The following PHF21B variants were observed in gnomAD, a reference collection of about 807,000 sequenced individuals.
PHF21B encodes PHD finger protein 21B.
PHF21B carries 22 observed loss-of-function variants against 62.2 expected under a neutral mutation model. That is an observed-to-expected ratio of 0.35 (90% CI 0.25 to 0.51). PHF21B has a LOEUF of 0.51. Ranked by LOEUF, PHF21B falls within the 20% of genes least tolerant of loss-of-function variation. PHF21B has a pLI of 0.97. For missense variants in PHF21B, 701 were observed against 707.9 expected, an observed-to-expected ratio of 0.99 and a Z score of 0.11; for synonymous variants, 341 against 314.7, an observed-to-expected ratio of 1.08 and a Z score of -0.88.
At chr22:44,890,308 C>G (rs1338900279) in intron 8 of PHF21B, among the ~76,000 whole-genome samples, 1 of 152,218 alleles carries the variant, frequency 6.6e-6, no homozygotes, top group Admixed American at 6.5e-5. Flanking sequence ...TCTTTTTAAA[C>G]TGTAATCCAC....
intron 5 of PHF21B, among the ~76,000 whole-genome samples, chr22:44,906,802 A>T (rs2071259203): frequency 6.6e-6 from 1 of 152,094 alleles, no homozygotes; most frequent in Non-Finnish European, 1.5e-5. Flanking sequence ...CGACAGGGGG[A>T]GAAGGAAGGG....
intron 2 of PHF21B, among the ~76,000 whole-genome samples, chr22:44,998,891 C>T (rs1212252991): frequency 1.3e-5 from 2 of 152,154 alleles, no homozygotes; most frequent in African/African-American, 2.4e-5. Context: ...GCCAGAGGGG[C>T]TCCAACACCC....
chr22:44,914,001 GGGAGGGAGGGGTGAGGGGAAGAGA>G lies in PHF21B; in HGVS notation c.628_651del (p.Ser210_Ser217del). 1 of 1,550,304 alleles carries G rather than the reference GGGAGGGAGGGGTGAGGGGAAGAGA, an allele frequency of 6.5e-7. No individual in the cohort carries two copies. The highest frequency in any genetic ancestry group is 8.9e-7 in the Non-Finnish European group (1 of 1,123,768). ...TGGAGGGGTGAAGGGGACAGTGATG[GGGAGGGAGGGGTGAGGGGAAGAGA>G]GGAGGGGTGGAGGGGACAGTGATGG... On this transcript the variant is annotated inframe_deletion, in exon 5 of 13. Transcript: ENST00000313237.
At chr22:44,953,949 G>A (rs752484908) in intron 2 of PHF21B, among the ~76,000 whole-genome samples, 3 of 152,152 alleles carry the variant, frequency 2.0e-5, no homozygotes, top group Non-Finnish European at 4.4e-5. Context: ...AGCCAGGCTC[G>A]GCCCTGAAAG....
At chr22:45,008,332 G>T (rs960107011) in intron 2 of PHF21B, 13 of 413,546 alleles carry the variant, frequency 3.1e-5, no homozygotes, top group African/African-American at 2.5e-4. Context: ...TCCTCTCTTC[G>T]GCCCCCGCAG....
chr22:44,915,137 T>C (rs1157470921), intron 4 of PHF21B, among the ~76,000 whole-genome samples: 8 of 152,224 alleles, frequency 5.3e-5, no homozygotes, highest in Non-Finnish European at 1.2e-4. Context: ...TCTTCCTCTT[T>C]GTATCACATT....
chr22:44,965,024 C>T (rs532452946), intron 2 of PHF21B, among the ~76,000 whole-genome samples: 2 of 152,302 alleles, frequency 1.3e-5, no homozygotes, highest in East Asian at 3.9e-4. Context: ...CAGGGGCTCA[C>T]GTCCTTTCCC....
intron 2 of PHF21B, among the ~76,000 whole-genome samples, chr22:44,996,305 C>A (rs973687416): frequency 6.6e-6 from 1 of 152,152 alleles, no homozygotes; most frequent in African/African-American, 2.4e-5. Flanking sequence ...ATCACAGAAT[C>A]TCAGTGTCAG....
chr22:44,971,291 C>T (rs2072632605), intron 2 of PHF21B: 1 of 152,224 alleles, frequency 6.6e-6, no homozygotes, highest in Non-Finnish European at 1.5e-5. Context: ...TCTCACCTGA[C>T]AAGGTATCTT....
At chr22:44,911,909 A>G (rs914766020) in intron 5 of PHF21B, among the ~76,000 whole-genome samples, 2 of 152,224 alleles carry the variant, frequency 1.3e-5, no homozygotes, top group Non-Finnish European at 2.9e-5. Context: ...AGCCGGTGAA[A>G]GCAACCAGGA....
At position 44,936,870 on chromosome 22, in the gene PHF21B, C is replaced by CTTTTTTT. The variant is rs370585353; in HGVS notation, c.121-16387_121-16381dup. Among the ~76,000 whole-genome samples, 71 of 128,596 alleles carry CTTTTTTT rather than the reference C, an allele frequency of 5.5e-4. 1 individual carries two copies. In the East Asian group the frequency reaches 6.2e-3, roughly 11 times the overall value. 84.4% of individuals were successfully genotyped at this position (128,596 alleles called of 152,430 possible). A position where few individuals can be genotyped will look rare whatever the true frequency, so the allele number is the denominator to read the frequency against. On this transcript the variant is annotated intron_variant, in intron 2 of 12. Coordinates refer to ENST00000313237, the MANE Select transcript of PHF21B (RefSeq NM_138415.5). The stretch of plus-strand genomic sequence containing the variant: ...AAAGTTGTGGACATCCACTTTCTTT[C>CTTTTTTT]TTTTTTTTTTTTTTTTCCTGAGATG...
Position 44,891,289 on chromosome 22 carries a change from C to A in PHF21B, c.1015+17G>T, listed in dbSNP as rs758415959. On this transcript the variant is annotated intron_variant, in intron 8 of 12. Coordinates refer to ENST00000313237, the MANE Select transcript of PHF21B (RefSeq NM_138415.5). ...GCCCTGAGCAGCTCTGGCAGAAGGC[C>A]TGAAGCCGGTGCTTACCTCTCGCTG... is the stretch of plus-strand genomic sequence containing the variant. The A allele has an allele frequency of 6.2e-7, 1 of 1,613,410 alleles. No homozygotes were observed. The highest frequency in any genetic ancestry group is 1.3e-5 in the African/African-American group (1 of 75,066).
intron 2 of PHF21B, among the ~76,000 whole-genome samples, chr22:44,966,349 C>T (rs562208917): frequency 6.6e-6 from 1 of 152,340 alleles, no homozygotes; most frequent in African/African-American, 2.4e-5. Context: ...CAGGCACTTG[C>T]CCAAGGTCAC....
At chr22:44,995,019 G>T (rs1049056390) in intron 2 of PHF21B, among the ~76,000 whole-genome samples, 1 of 152,160 alleles carries the variant, frequency 6.6e-6, no homozygotes, top group African/African-American at 2.4e-5. Flanking sequence ...CCAGGTCCCC[G>T]GCTCTCAGAG....
At chr22:44,960,311 G>C (rs934591006) in intron 2 of PHF21B, among the ~76,000 whole-genome samples, 2 of 152,108 alleles carry the variant, frequency 1.3e-5, no homozygotes, top group African/African-American at 4.8e-5. Flanking sequence ...ATGACATCAA[G>C]ACAATTATCT....
intron 2 of PHF21B, among the ~76,000 whole-genome samples, chr22:44,947,230 G>T (rs1394343481): frequency 6.6e-6 from 1 of 151,788 alleles, no homozygotes; most frequent in Non-Finnish European, 1.5e-5. Flanking sequence ...GCTTCTGGAA[G>T]GGCTGCCTCC....
rs187272542 is a variant in PHF21B, at chr22:44,918,735, G to A, written c.213+1663C>T. On this transcript the variant is annotated intron_variant, in intron 3 of 12. Coordinates refer to ENST00000313237, the MANE Select transcript of PHF21B (RefSeq NM_138415.5). ...AACGGCAGGTGCAGACTTTTGTGGGGCAGAGACAGCAAGGACAAAACATGG... is the reference window on the plus strand; with the variant it reads ...AACGGCAGGTGCAGACTTTTGTGGGACAGAGACAGCAAGGACAAAACATGG... 1.4e-3 allele frequency among the ~76,000 whole-genome samples: 210 copies of A among 152,372 alleles called. 7 individuals carry two copies. Among genetic ancestry groups the A allele is most frequent in the Admixed American group, 0.014 (208 of 15,312 alleles).
intron 2 of PHF21B, among the ~76,000 whole-genome samples, chr22:44,954,020 TC>T (rs1443264044): frequency 6.6e-6 from 1 of 152,176 alleles, no homozygotes; most frequent in Non-Finnish European, 1.5e-5. Flanking sequence ...AAGGAGCCTC[TC>T]CCGGCTCAGA....
intron 2 of PHF21B, among the ~76,000 whole-genome samples, chr22:44,924,089 AAGG>A (rs1332662357): frequency 3.3e-5 from 3 of 92,044 alleles, no homozygotes; most frequent in African/African-American, 9.6e-5. Flanking sequence ...AGAGGGGAGG[AAGG>A]AGGAGAGGAG....
Sources: gnomAD v4.1 joint callset for allele counts (sites outside exome capture counted in the v4.1 genomes callset) on GRCh38, gnomAD v4.1.1 for gene constraint, MANE v1.5 for transcripts, NCBI Gene and HGNC (gene_info 2026-07-23, HGNC 2026-07-21) for gene names.